The following CDH18 variants were observed in gnomAD, a reference collection of about 807,000 sequenced individuals.
CDH18 encodes the protein cadherin-18.
Under a neutral mutation model 67.9 loss-of-function variants are expected in CDH18, and 31 were observed. That is an observed-to-expected ratio of 0.46 (90% confidence interval 0.34 to 0.62). The LOEUF (loss-of-function observed/expected upper bound fraction) is 0.62. Ranked by LOEUF, CDH18 falls within the 20% of genes least tolerant of loss-of-function variation. CDH18 has a pLI of 0.01. For synonymous variants in CDH18, 362 were observed against 347.2 expected (o/e 1.04, Z -0.48); for missense variants, 890 against 975.5 (o/e 0.91, Z 1.17).
intron 2 of CDH18, among the ~76,000 whole-genome samples, chr5:20,141,916 TAA>T (rs1481026054): frequency 1.3e-5 from 2 of 151,906 alleles, no homozygotes; most frequent in African/African-American, 2.4e-5. Context: ...GTATTAATAT[TAA>T]GAGTAAAAAT....
intron 2 of CDH18, among the ~76,000 whole-genome samples, chr5:19,903,295 C>T (rs186037377): frequency 6.6e-6 from 1 of 151,072 alleles, no homozygotes; most frequent in African/African-American, 2.4e-5. Context: ...AGTGTTAGAT[C>T]ACATTTTTAG....
intron 2 of CDH18, among the ~76,000 whole-genome samples, chr5:20,062,897 T>G (rs920813192): frequency 6.6e-6 from 1 of 152,062 alleles, no homozygotes; most frequent in Non-Finnish European, 1.5e-5. Context: ...CAATTTATTG[T>G]TGTAAATTAT....
intron 2 of CDH18, among the ~76,000 whole-genome samples, chr5:19,881,019 C>G (rs996681895): frequency 7.2e-5 from 11 of 152,252 alleles, no homozygotes; most frequent in Non-Finnish European, 1.6e-4. Flanking sequence ...TGAATTCACA[C>G]AGTTAATTAT....
rs1288009534 is a variant in CDH18 at position 19,584,070 on chromosome 5, TAAG to T, written c.999+6984_999+6986del. 3.9e-5 allele frequency among the ~76,000 whole-genome samples: 6 copies of T among 152,296 alleles called. No homozygotes were observed. The East Asian group carries it at 9.7e-4, about 25-fold the overall frequency. On this transcript the variant is annotated intron_variant, in intron 7 of 12. Coordinates refer to ENST00000382275, the MANE Select transcript of CDH18 (RefSeq NM_004934.5). ...GTAAAGTGTGCAAATAGGAGCCATA[TAAG>T]AAGAGACTTTGAGAAAGGCTGCTAA...
chr5:19,520,869 C>T, intron 9 of CDH18, 91 bp from the exon 10 acceptor site: 1 of 1,386,512 alleles, frequency 7.2e-7, no homozygotes, highest in Admixed American at 2.2e-5. Context: ...TAGCTTGTCA[C>T]TGGTTCCATA....
intron 5 of CDH18, among the ~76,000 whole-genome samples, chr5:19,717,437 CTG>C (rs1765476327): frequency 6.6e-6 from 1 of 151,916 alleles, no homozygotes; most frequent in Non-Finnish European, 1.5e-5. Context: ...TTCTAAGGCC[CTG>C]GAATGATACC....
At chr5:20,292,165 A>T (rs1256953782) in intron 1 of CDH18, among the ~76,000 whole-genome samples, 1 of 152,238 alleles carries the variant, frequency 6.6e-6, no homozygotes, top group African/African-American at 2.4e-5. Context: ...CGCTATTGGC[A>T]GTAAAGGAGA....
chr5:19,658,268 C>T (rs1756673503), intron 5 of CDH18, among the ~76,000 whole-genome samples: 1 of 152,046 alleles, frequency 6.6e-6, no homozygotes. Context: ...TATAGCATGT[C>T]TATCTCATGT....
chr5:20,002,550 A>T (rs974618491), intron 2 of CDH18, among the ~76,000 whole-genome samples: 3 of 152,194 alleles, frequency 2.0e-5, no homozygotes, highest in African/African-American at 7.2e-5. Context: ...TGCTCAGTAA[A>T]TATAACAATA....
chr5:19,874,346 G>A (rs1786693595), intron 2 of CDH18, among the ~76,000 whole-genome samples: 1 of 152,090 alleles, frequency 6.6e-6, no homozygotes, highest in African/African-American at 2.4e-5. Flanking sequence ...TTATCTGCCT[G>A]ACTCCTTTAA....
At chr5:19,527,862 G>C (rs1406276930) in intron 9 of CDH18, among the ~76,000 whole-genome samples, 1 of 151,668 alleles carries the variant, frequency 6.6e-6, no homozygotes, top group East Asian at 1.9e-4. Flanking sequence ...TGTTCCAGTT[G>C]CCTATAAATC....
At chr5:20,069,762 G>A (rs1433269324) in intron 2 of CDH18, among the ~76,000 whole-genome samples, 4 of 151,984 alleles carry the variant, frequency 2.6e-5, no homozygotes, top group Non-Finnish European at 5.9e-5. Context: ...TTAGGTTCAC[G>A]GCAAAATTCA....
rs192746921 is a variant in CDH18 at position 20,061,427 on chromosome 5, C to G, written c.-517-69413G>C. ...TTGACCAAATTAAGCATTAAAGTAA[C>G]AATTCCACCTTCCATACACACGTCG... On this transcript the variant is annotated intron_variant, in intron 2 of 14. Coordinates refer to the CDH18 transcript ENST00000507958. Among the ~76,000 whole-genome samples the G allele has an allele frequency of 5.7e-4, 86 of 152,164 alleles. 2 individuals are homozygous for G. In the East Asian group the frequency reaches 0.011, roughly 19 times the overall value.
At chr5:19,864,426 C>T (rs1054306286) in intron 2 of CDH18, among the ~76,000 whole-genome samples, 5 of 150,762 alleles carry the variant, frequency 3.3e-5, no homozygotes, top group African/African-American at 4.9e-5. Context: ...ACACCTAATG[C>T]TACATGAGGA....
chr5:20,473,354 A>G (rs73767538), intron 1 of CDH18, among the ~76,000 whole-genome samples: 8,368 of 152,242 alleles, frequency 0.055, 763 homozygotes, highest in African/African-American at 0.19. Flanking sequence ...ATAGTATTTC[A>G]ATAATGTTTA....
chr5:19,682,556 A>T (rs1383042913), intron 5 of CDH18, among the ~76,000 whole-genome samples: 1 of 151,722 alleles, frequency 6.6e-6, no homozygotes, highest in Non-Finnish European at 1.5e-5. Flanking sequence ...TGTTCTATTA[A>T]CTCCAGTCAA....
intron 2 of CDH18, among the ~76,000 whole-genome samples, chr5:19,842,319 A>G (rs1782416786): frequency 6.6e-6 from 1 of 152,176 alleles, no homozygotes; most frequent in African/African-American, 2.4e-5. Context: ...CCATTTTGGG[A>G]AAGGGACCTC....
chr5:19,975,646 T>C (rs1164969564), intron 2 of CDH18, among the ~76,000 whole-genome samples: 1 of 152,200 alleles, frequency 6.6e-6, no homozygotes, highest in Non-Finnish European at 1.5e-5. Flanking sequence ...ATTAGAGATA[T>C]AAACACATAT....
At chr5:20,270,558 T>C (rs1418230113) in intron 1 of CDH18, among the ~76,000 whole-genome samples, 1 of 152,114 alleles carries the variant, frequency 6.6e-6, no homozygotes, top group African/African-American at 2.4e-5. Flanking sequence ...GTTCAACCAT[T>C]GTGGAAGAGA....
Sources: gnomAD v4.1 joint callset for allele counts (sites outside exome capture counted in the v4.1 genomes callset) on GRCh38, gnomAD v4.1.1 for gene constraint, MANE v1.5 for transcripts, NCBI Gene and HGNC (gene_info 2026-07-23, HGNC 2026-07-21) for gene names.